MS4A10: variants seen among roughly 807,000 people sequenced by gnomAD.
MS4A10 encodes membrane-spanning 4-domains subfamily A member 10.
Under a neutral mutation model 27.7 loss-of-function variants are expected in MS4A10, and 27 were observed. That is an observed-to-expected ratio of 0.98 (90% CI 0.72 to 1.35). The LOEUF (loss-of-function observed/expected upper bound fraction) is 1.35, where lower values mean the gene tolerates loss of function less well. Among genes scored for constraint, MS4A10 ranks in the 40% most tolerant of loss-of-function variants. The probability of loss-of-function intolerance (pLI) is 0.00; values close to 1 mark genes in which losing one functional copy is unlikely to be tolerated. For synonymous variants in MS4A10, 139 were observed against 131.2 expected (o/e 1.06, Z -0.41); for missense variants, 338 against 324.7 (o/e 1.04, Z -0.32).
chr11:60,785,481 TGGG>T (rs1047451188), intron 1 of MS4A10, 60 bp downstream of exon 1: 2 of 152,386 alleles, frequency 1.3e-5, no homozygotes, highest in African/African-American at 4.8e-5. Flanking sequence ...CATGTGGAGT[TGGG>T]GGGTTGCTCA....
intron 6 of MS4A10, among the ~76,000 whole-genome samples, chr11:60,796,975 C>A (rs1854543658): frequency 6.6e-6 from 1 of 152,190 alleles, no homozygotes; most frequent in African/African-American, 2.4e-5. Flanking sequence ...CCCCATAATT[C>A]TTCAAGTTTG....
Position 60,799,977 on chromosome 11 carries a change from T to C in MS4A10, c.*68T>C. 6.2e-7 allele frequency: 1 copy of C among 1,611,324 alleles called. No homozygotes were observed. Among genetic ancestry groups the C allele is most frequent in the Non-Finnish European group, 8.5e-7 (1 of 1,178,346 alleles). ...CCCCTGCTCTCCCAAAGTTGCACTTTCACTGGGAAGATGAGATTTGCACAT... is the reference window on the plus strand; with the variant it reads ...CCCCTGCTCTCCCAAAGTTGCACTTCCACTGGGAAGATGAGATTTGCACAT... On this transcript the variant is annotated 3_prime_UTR_variant, in exon 8 of 8. Coordinates refer to ENST00000308287, the MANE Select transcript of MS4A10 (RefSeq NM_206893.4).
rs1364267778 is a variant in MS4A10, at chr11:60,798,458, C to T, written c.666C>T (p.Pro222=). The change falls in exon 7 of 8, where the codon CCC becomes CCT. Residue 222 remains proline (P), a synonymous_variant. Transcript: ENST00000308287. ...ATCTCAAAGGCCTGCCGGTGGAGCC[C>T]CCGCCATCCTACCAGAGTGTGATTC... ...PLHLKGLPVE[P]PPSYQSVIQG... 11 of 1,614,022 alleles carry T rather than the reference C, an allele frequency of 6.8e-6. No individual in the cohort carries two copies. Among genetic ancestry groups the T allele is most frequent in the Admixed American group, 1.7e-5 (1 of 60,002 alleles).
intron 6 of MS4A10, among the ~76,000 whole-genome samples, chr11:60,798,083 GC>G (rs1474200591): frequency 5.3e-5 from 8 of 152,208 alleles, no homozygotes; most frequent in African/African-American, 1.7e-4. Context: ...TTGGGTCATG[GC>G]CCAGCCCCCC....
chr11:60,793,092 C>T (rs1029113985), intron 4 of MS4A10, among the ~76,000 whole-genome samples: 3 of 152,186 alleles, frequency 2.0e-5, no homozygotes, highest in African/African-American at 7.2e-5. Context: ...GGTCTTCCCA[C>T]CTCCCCTCCT....
intron 6 of MS4A10, 71 bp from the exon 7 acceptor site, chr11:60,798,325 G>A (rs150901026): frequency 1.7e-6 from 2 of 1,175,994 alleles, no homozygotes; most frequent in South Asian, 1.3e-5. Context: ...TGAACTAGCA[G>A]AGAAGTGTTT....
In MS4A10 at chr11:60,800,103, C is replaced by A; in HGVS notation, c.*194C>A. 1.4e-6 allele frequency: 1 copy of A among 731,256 alleles called. No individual in the cohort carries two copies. The highest frequency in any genetic ancestry group is 2.2e-6 in the Non-Finnish European group (1 of 450,026). 45.3% of individuals were successfully genotyped at this position (731,256 alleles called of 1,614,324 possible). ...GCCATTTCTTACATAGTTGATGGCT[C>A]GATATCTGTGGTGGCCCAGATTGTT... On this transcript the variant is annotated 3_prime_UTR_variant, in exon 8 of 8. Coordinates refer to ENST00000308287, the MANE Select transcript of MS4A10 (RefSeq NM_206893.4).
intron 4 of MS4A10, among the ~76,000 whole-genome samples, chr11:60,793,647 C>T (rs894075179): frequency 4.6e-5 from 7 of 152,110 alleles, no homozygotes; most frequent in African/African-American, 1.7e-4. Flanking sequence ...GTAGGATGGT[C>T]GGGGCTGGCT....
intron 7 of MS4A10, 102 bp from the exon 8 acceptor site, chr11:60,799,726 G>A (rs1446677243): frequency 1.4e-6 from 1 of 698,492 alleles, no homozygotes; most frequent in Non-Finnish European, 2.6e-6. Context: ...CTGGGCCACT[G>A]ACTCTGAGCC....
chr11:60,792,281 T>A lies in MS4A10; in HGVS notation c.320T>A (p.Ile107Asn). The change falls in exon 4 of 8, where the codon ATC becomes AAC. Residue 107 changes from isoleucine (I) to asparagine (N), a missense_variant. By Grantham distance (149) the Ile-to-Asn change is moderately radical (BLOSUM62 -3). Coordinates refer to ENST00000308287, the MANE Select transcript of MS4A10 (RefSeq NM_206893.4). ...GTCCTGCAGTTTCTCATTTCAGGGA[T>A]CTTGGCGATAACAATGAAGACCTTT... ...WGAASFLISG[I>N]LAITMKTFSK... is the part of the protein sequence containing the mutation. 6.2e-7 allele frequency: 1 copy of A among 1,613,758 alleles called. No homozygotes were observed. Among genetic ancestry groups the A allele is most frequent in the Middle Eastern group, 1.6e-4 (1 of 6,062 alleles).
intron 3 of MS4A10, 63 bp from the exon 4 acceptor site, chr11:60,792,202 G>A: frequency 7.8e-7 from 1 of 1,280,178 alleles, no homozygotes; most frequent in Non-Finnish European, 1.1e-6. Context: ...GGGTGGGGGT[G>A]GGAATTTGTG....
chr11:60,797,462 A>G (rs1346818806), intron 6 of MS4A10, among the ~76,000 whole-genome samples: 2 of 152,168 alleles, frequency 1.3e-5, no homozygotes, highest in African/African-American at 4.8e-5. Context: ...GGGCATCAAA[A>G]AGAATCTCTT....
intron 4 of MS4A10, among the ~76,000 whole-genome samples, chr11:60,792,604 T>G (rs898937526): frequency 2.0e-5 from 3 of 152,216 alleles, no homozygotes; most frequent in African/African-American, 7.2e-5. Flanking sequence ...CCCATCCATC[T>G]AGGACACAAC....
chr11:60,795,841 G>A (rs1854521217), intron 6 of MS4A10, among the ~76,000 whole-genome samples, 176 bp downstream of exon 6: 1 of 152,162 alleles, frequency 6.6e-6, no homozygotes, highest in Admixed American at 6.5e-5. Flanking sequence ...CAAGGCACGG[G>A]GGCAAGAGAG....
rs1406902632 is a variant in MS4A10 at position 60,790,913 on chromosome 11, G to A, written c.184-61G>A. On this transcript the variant is annotated intron_variant, in intron 2 of 7. Transcript: ENST00000308287. ...CAGCCAGTAGGTCCAGGGCACTAGT[G>A]GCCTCAATTAGAGCCAGTGACCGAT... 25 of 1,601,570 alleles carry A rather than the reference G, an allele frequency of 1.6e-5. 1 individual carries two copies. The highest frequency in any genetic ancestry group is 3.3e-4 in the Middle Eastern group (2 of 6,018).
intron 7 of MS4A10, among the ~76,000 whole-genome samples, 174 bp from the exon 8 acceptor site, chr11:60,799,654 C>T (rs981113055): frequency 3.3e-5 from 5 of 152,206 alleles, no homozygotes; most frequent in African/African-American, 9.7e-5. Context: ...ATCACCCTTG[C>T]CCTTCCTCCA....
At chr11:60,798,857 C>G (rs1565084154) in intron 7 of MS4A10, among the ~76,000 whole-genome samples, 1 of 152,242 alleles carries the variant, frequency 6.6e-6, no homozygotes, top group Non-Finnish European at 1.5e-5. Context: ...CCCCCATGCC[C>G]TCTGGCCTCC....
intron 6 of MS4A10, 30 bp downstream of exon 6, chr11:60,795,695 A>C (rs751005640): frequency 5.5e-6 from 8 of 1,448,574 alleles, no homozygotes; most frequent in African/African-American, 1.4e-5. Flanking sequence ...TCCCAGGAAG[A>C]CAAAAAATGG....
At chr11:60,787,760 G>A (rs1192324056) in intron 1 of MS4A10, among the ~76,000 whole-genome samples, 2 of 152,194 alleles carry the variant, frequency 1.3e-5, no homozygotes, top group Admixed American at 1.3e-4. Flanking sequence ...GCTCACATCT[G>A]TAATCCTAGC....
Sources: allele counts gnomAD v4.1 joint callset (sites outside exome capture counted in the v4.1 genomes callset), GRCh38; gene constraint gnomAD v4.1.1; transcripts MANE v1.5; gene names NCBI Gene and HGNC (gene_info 2026-07-23, HGNC 2026-07-21).